The following RELN variants were observed in gnomAD, a reference collection of about 807,000 sequenced individuals.
RELN encodes the protein reelin.
A neutral mutation model predicts 427.6 loss-of-function variants in RELN; 108 were observed. That is an observed-to-expected ratio of 0.25 (90% CI 0.22 to 0.30). RELN has a LOEUF of 0.30. Ranked by LOEUF, RELN falls within the 10% of genes least tolerant of loss-of-function variation. RELN has a pLI of 1.00. For missense variants in RELN, 3,715 were observed against 4,302.8 expected (o/e 0.86, Z 3.82); for synonymous variants, 1,524 against 1,513.4 (o/e 1.01, Z -0.16).
At chr7:103,580,778 C>T (rs1021899074) in intron 28 of RELN, among the ~76,000 whole-genome samples, 19 of 152,270 alleles carry the variant, frequency 1.2e-4, no homozygotes, top group Middle Eastern at 3.4e-3. Flanking sequence ...CTCATTCTTA[C>T]GCCTTTCATC....
intron 11 of RELN, among the ~76,000 whole-genome samples, chr7:103,675,735 A>G (rs569806019): frequency 1.4e-3 from 210 of 152,340 alleles, no homozygotes; most frequent in African/African-American, 4.8e-3. Flanking sequence ...ATAATACCAC[A>G]CATCTACAAC....
rs1367713966 is a variant in RELN, at chr7:103,932,914, C to T, written c.227-15729G>A. Among the ~76,000 whole-genome samples the T allele has an allele frequency of 2.0e-5, 3 of 152,220 alleles. 1 individual carries two copies. The highest frequency in any genetic ancestry group is 2.0e-4 in the Admixed American group (3 of 15,282). The stretch of plus-strand genomic sequence containing the variant: ...AAGTCCTCTGGCACACAGATGCAGA[C>T]ATTGGCAGACAGACACGTGCTAGAG... On this transcript the variant is annotated intron_variant, in intron 1 of 64. Coordinates refer to ENST00000428762, the MANE Select transcript of RELN (RefSeq NM_005045.4).
At chr7:103,695,375 T>TA (rs1360349139) in intron 10 of RELN, among the ~76,000 whole-genome samples, 17 of 152,234 alleles carry the variant, frequency 1.1e-4, no homozygotes, top group Admixed American at 9.2e-4. Flanking sequence ...GATAATGTTA[T>TA]AAATCATTAC....
At chr7:103,901,153 A>G (rs73183737) in intron 2 of RELN, among the ~76,000 whole-genome samples, 16,729 of 152,086 alleles carry the variant, frequency 0.11, 1,149 homozygotes, top group East Asian at 0.27. Context: ...ACATAAAAAT[A>G]TACTCAGTGT....
chr7:103,942,136 T>C (rs776094936), intron 1 of RELN, among the ~76,000 whole-genome samples: 1 of 152,216 alleles, frequency 6.6e-6, no homozygotes, highest in Non-Finnish European at 1.5e-5. Context: ...TCACCTCGCA[T>C]ACTTATAATT....
chr7:103,779,299 C>A (rs1791827065), intron 3 of RELN, among the ~76,000 whole-genome samples: 1 of 152,158 alleles, frequency 6.6e-6, no homozygotes, highest in African/African-American at 2.4e-5. Context: ...TAAAAGCTGG[C>A]TTGAGAAGCA....
At position 103,551,299 on chromosome 7, in the gene RELN, TG is replaced by T; in HGVS notation, c.6073-4del. 1 of 1,608,954 alleles carries T rather than the reference TG, an allele frequency of 6.2e-7. No individual in the cohort carries two copies. Among genetic ancestry groups the T allele is most frequent in the Non-Finnish European group, 8.5e-7 (1 of 1,176,806 alleles). ...TCAGTCGAACAGCCAACGTTGATCT[TG>T]GGGATGAAGAAAAAAATGATACAAA... On this transcript the variant is annotated splice_polypyrimidine_tract_variant and splice_region_variant and intron_variant, in intron 40 of 64. Coordinates refer to ENST00000428762, the MANE Select transcript of RELN (RefSeq NM_005045.4).
At position 103,566,635 on chromosome 7, in the gene RELN, A is replaced by G. The variant is rs546656701; in HGVS notation, c.4713T>C (p.Pro1571=). ...GTTGCCACCATCGAAATGCCGTTGCAGGTGTCTTCGCGTCCTGTGGCAGGT... is the reference window on the plus strand; with the variant it reads ...GTTGCCACCATCGAAATGCCGTTGCGGGTGTCTTCGCGTCCTGTGGCAGGT... The part of the protein sequence containing the change: ...SIDLPQDAKT[P]ATAFRWWQPQ... The change falls in exon 32 of 65, where the codon CCT becomes CCC. Residue 1571 remains proline, a synonymous_variant. Coordinates refer to ENST00000428762, the MANE Select transcript of RELN (RefSeq NM_005045.4). 3.3e-5 allele frequency: 53 copies of G among 1,614,210 alleles called. No homozygotes were observed. Among genetic ancestry groups the G allele is most frequent in the Middle Eastern group, 1.6e-4 (1 of 6,062 alleles).
chr7:103,982,405 C>G (rs1797009165), intron 1 of RELN, among the ~76,000 whole-genome samples: 1 of 151,986 alleles, frequency 6.6e-6, no homozygotes, highest in African/African-American at 2.4e-5. Flanking sequence ...TATGACCGAC[C>G]TAAATAGTTG....
intron 2 of RELN, among the ~76,000 whole-genome samples, chr7:103,835,159 T>A (rs190600477): frequency 1.3e-5 from 2 of 152,296 alleles, no homozygotes; most frequent in Admixed American, 1.3e-4. Context: ...AAAGGAAACT[T>A]AATATGCGTA....
chr7:103,654,992 T>C (rs971493062), intron 12 of RELN, among the ~76,000 whole-genome samples: 2 of 152,056 alleles, frequency 1.3e-5, no homozygotes, highest in South Asian at 4.1e-4. Context: ...TATTTTATTT[T>C]GTAGAGACGG....
chr7:103,892,693 T>C (rs1212491854), intron 2 of RELN, among the ~76,000 whole-genome samples: 2 of 152,186 alleles, frequency 1.3e-5, no homozygotes, highest in Non-Finnish European at 2.9e-5. Flanking sequence ...AGAACAATTA[T>C]GAATAGGGAG....
intron 11 of RELN, among the ~76,000 whole-genome samples, chr7:103,667,322 A>C (rs953350898): frequency 6.6e-6 from 1 of 152,198 alleles, no homozygotes; most frequent in African/African-American, 2.4e-5. Context: ...TCATCTTTCA[A>C]ATCAGCAAGC....
At chr7:103,768,880 GT>G (rs1791493080) in intron 4 of RELN, among the ~76,000 whole-genome samples, 1 of 152,108 alleles carries the variant, frequency 6.6e-6, no homozygotes, top group Non-Finnish European at 1.5e-5. Context: ...CAGCAGACTC[GT>G]CCCTTCTCCT....
intron 10 of RELN, among the ~76,000 whole-genome samples, chr7:103,686,932 C>A (rs1299870890): frequency 6.6e-6 from 1 of 152,090 alleles, no homozygotes; most frequent in African/African-American, 2.4e-5. Context: ...GAAAACTTGG[C>A]TATAAATACA....
Position 103,977,091 on chromosome 7 carries a change from AT to A in RELN, c.226+12039del, listed in dbSNP as rs567078637. Among the ~76,000 whole-genome samples the A allele has an allele frequency of 2.2e-3, 333 of 151,718 alleles. 1 individual carries two copies. The highest frequency in any genetic ancestry group is 3.1e-3 in the Non-Finnish European group (208 of 67,898). On this transcript the variant is annotated intron_variant, in intron 1 of 64. Transcript: ENST00000428762. ...TTTGGGAGGCTGAGGTGGGTGGATC[AT>A]TTGAGGTCAGGAGTTCAAGACCAGC...
chr7:103,853,295 G>T (rs930670791), intron 2 of RELN, among the ~76,000 whole-genome samples: 2 of 151,838 alleles, frequency 1.3e-5, no homozygotes, highest in African/African-American at 4.8e-5. Context: ...TAAAAATTTG[G>T]GTTATTTGTT....
In RELN at chr7:103,558,546, T is replaced by G. The variant is rs1830574226; in HGVS notation, c.5530-497A>C. On this transcript the variant is annotated intron_variant, in intron 36 of 64. Transcript: ENST00000428762. ...TCTCATTCAGGCTGACACAACAACATCCCCCAGTTGGTCAAGTTAAATAAG... is the reference window on the plus strand; with the variant it reads ...TCTCATTCAGGCTGACACAACAACAGCCCCCAGTTGGTCAAGTTAAATAAG... 2.0e-5 allele frequency among the ~76,000 whole-genome samples: 3 copies of G among 151,974 alleles called. No individual in the cohort carries two copies. The South Asian group carries it at 6.2e-4, about 32-fold the overall frequency.
intron 2 of RELN, among the ~76,000 whole-genome samples, chr7:103,860,898 C>A (rs932876766): frequency 6.6e-6 from 1 of 152,014 alleles, no homozygotes; most frequent in African/African-American, 2.4e-5. Flanking sequence ...GGATAACTAC[C>A]ATGTTTTTAG....
Sources: allele counts gnomAD v4.1 joint callset (sites outside exome capture counted in the v4.1 genomes callset), GRCh38; gene constraint gnomAD v4.1.1; transcripts MANE v1.5; gene names NCBI Gene and HGNC (gene_info 2026-07-23, HGNC 2026-07-21).